Variants in CLIC4 observed in about 807,000 individuals in gnomAD.
CLIC4 encodes chloride intracellular channel protein 4.
Under a neutral mutation model 24.6 loss-of-function variants are expected in CLIC4, and 13 were observed. That is an observed-to-expected ratio of 0.53 (90% CI 0.34 to 0.84). The LOEUF is 0.84. Among genes scored for constraint, CLIC4 ranks in the 40% least tolerant of loss-of-function variants. CLIC4 has a pLI of 0.01. For synonymous variants in CLIC4, 104 were observed against 111.3 expected, an observed-to-expected ratio of 0.93 and a Z score of 0.41; for missense variants, 227 against 301.7, an observed-to-expected ratio of 0.75 and a Z score of 1.83.
chr1:24,830,489 G>T (rs1346699895), intron 4 of CLIC4, among the ~76,000 whole-genome samples: 1 of 151,198 alleles, frequency 6.6e-6, no homozygotes, highest in Non-Finnish European at 1.5e-5. Context: ...AAACAATGCT[G>T]CTGGTGAATG....
At chr1:24,837,866 C>T (rs908466366) in intron 4 of CLIC4, among the ~76,000 whole-genome samples, 4 of 152,152 alleles carry the variant, frequency 2.6e-5, no homozygotes, top group Middle Eastern at 3.2e-3. Flanking sequence ...ACTATTCCTC[C>T]TACCTATCCT....
chr1:24,784,435 A>G (rs1639241223), intron 1 of CLIC4, among the ~76,000 whole-genome samples: 1 of 152,200 alleles, frequency 6.6e-6, no homozygotes, highest in Non-Finnish European at 1.5e-5. Flanking sequence ...GAGCAAGAGG[A>G]TATCAGGATT....
chr1:24,799,200 G>A (rs1383903758), intron 2 of CLIC4, among the ~76,000 whole-genome samples: 2 of 151,734 alleles, frequency 1.3e-5, no homozygotes, highest in East Asian at 3.9e-4. Flanking sequence ...AGGAAGTGAG[G>A]AGCGGCGCCT....
At chr1:24,821,337 G>A (rs1372290842) in intron 3 of CLIC4, among the ~76,000 whole-genome samples, 2 of 152,058 alleles carry the variant, frequency 1.3e-5, no homozygotes, top group African/African-American at 4.8e-5. Context: ...CTTTAAATTG[G>A]ACCTTGAAAA....
intron 3 of CLIC4, among the ~76,000 whole-genome samples, chr1:24,816,716 A>G (rs1211784103): frequency 1.3e-5 from 2 of 152,228 alleles, no homozygotes; most frequent in African/African-American, 2.4e-5. Context: ...GTTAGCAGGC[A>G]TGAAAACAAC....
intron 1 of CLIC4, among the ~76,000 whole-genome samples, chr1:24,759,467 G>A (rs1453586168): frequency 1.6e-4 from 24 of 151,652 alleles, no homozygotes; most frequent in Admixed American, 7.2e-4. Flanking sequence ...TATACAATAC[G>A]TGACTTTTTT....
intron 1 of CLIC4, among the ~76,000 whole-genome samples, chr1:24,752,854 C>T (rs1638794130): frequency 6.6e-6 from 1 of 152,134 alleles, no homozygotes; most frequent in African/African-American, 2.4e-5. Context: ...TCTGGAGTAG[C>T]TGGGACTACA....
At chr1:24,773,397 T>C (rs1267988093) in intron 1 of CLIC4, among the ~76,000 whole-genome samples, 1 of 152,216 alleles carries the variant, frequency 6.6e-6, no homozygotes, top group Non-Finnish European at 1.5e-5. Context: ...TAGTTTATAC[T>C]ACAGTATAAT....
intron 4 of CLIC4, among the ~76,000 whole-genome samples, chr1:24,829,006 C>T (rs1026722999): frequency 1.6e-4 from 25 of 152,126 alleles, no homozygotes; most frequent in Non-Finnish European, 3.1e-4. Context: ...ATGGGCCCTC[C>T]TTATGTATGT....
intron 1 of CLIC4, among the ~76,000 whole-genome samples, chr1:24,764,841 G>A (rs1638972944): frequency 6.6e-6 from 1 of 151,966 alleles, no homozygotes; most frequent in Non-Finnish European, 1.5e-5. Flanking sequence ...CTCACTGCAG[G>A]TTTGTTGTTG....
At chr1:24,795,739 T>C (rs1639391235) in intron 1 of CLIC4, among the ~76,000 whole-genome samples, 1 of 152,096 alleles carries the variant, frequency 6.6e-6, no homozygotes, top group African/African-American at 2.4e-5. Flanking sequence ...CTGGCTAATT[T>C]TTGTATTTTT....
chr1:24,785,036 A>G (rs1639250491), intron 1 of CLIC4, among the ~76,000 whole-genome samples: 1 of 149,292 alleles, frequency 6.7e-6, no homozygotes. Context: ...GAAAAAGAAT[A>G]TCTTTGCTTT....
intron 1 of CLIC4, among the ~76,000 whole-genome samples, chr1:24,751,728 G>T (rs11799984): frequency 1.3e-5 from 2 of 152,206 alleles, no homozygotes; most frequent in African/African-American, 4.8e-5. Context: ...GCCGGTCGTG[G>T]TGGCGGGCGC....
chr1:24,807,377 G>A (rs894632046), intron 2 of CLIC4, among the ~76,000 whole-genome samples: 32 of 151,970 alleles, frequency 2.1e-4, no homozygotes, highest in African/African-American at 6.8e-4. Flanking sequence ...TTCTCAGCAA[G>A]GCAAGTTACT....
At chr1:24,755,071 CAAA>C (rs35295371) in intron 1 of CLIC4, among the ~76,000 whole-genome samples, 4 of 112,790 alleles carry the variant, frequency 3.5e-5, no homozygotes, top group South Asian at 2.9e-4. Context: ...GACTCCGTCT[CAAA>C]AAAAAAAAAA....
chr1:24,793,849 G>A (rs1474516418), intron 1 of CLIC4, among the ~76,000 whole-genome samples: 2 of 151,880 alleles, frequency 1.3e-5, no homozygotes, highest in Non-Finnish European at 1.5e-5. Context: ...AGGAATTAAT[G>A]ACTTTTTACT....
chr1:24,749,938 T>C (rs1481403928), intron 1 of CLIC4, among the ~76,000 whole-genome samples: 1 of 151,978 alleles, frequency 6.6e-6, no homozygotes, highest in East Asian at 1.9e-4. Context: ...CTACAAAAAA[T>C]ATAAAAAATT....
intron 1 of CLIC4, among the ~76,000 whole-genome samples, chr1:24,783,710 T>C (rs1295015706): frequency 2.0e-5 from 3 of 151,970 alleles, no homozygotes; most frequent in Non-Finnish European, 4.4e-5. Context: ...CTCAAAAAAA[T>C]AAAAAAGAAA....
chr1:24,797,891 C>T (rs748109394), intron 2 of CLIC4, 40 bp downstream of exon 2: 1 of 1,355,186 alleles, frequency 7.4e-7, no homozygotes, highest in South Asian at 1.2e-5. Context: ...TTAAGCTGAA[C>T]TATCTTTTCA....
Sources: allele counts gnomAD v4.1 joint callset (sites outside exome capture counted in the v4.1 genomes callset), GRCh38; gene constraint gnomAD v4.1.1; transcripts MANE v1.5; gene names NCBI Gene and HGNC (gene_info 2026-07-23, HGNC 2026-07-21).